Variants in AAK1 observed in about 807,000 individuals in gnomAD.
The protein encoded by AAK1 is AP2-associated protein kinase 1.
A neutral mutation model predicts 116.0 loss-of-function variants in AAK1; 37 were observed. The observed-to-expected ratio is 0.32, with a 90% CI of 0.25 to 0.42. The LOEUF (loss-of-function observed/expected upper bound fraction) is 0.42, where lower values mean the gene tolerates loss of function less well. AAK1 is among the 10% of genes least tolerant of loss of function. AAK1 has a pLI of 1.00. For missense variants in AAK1, 919 were observed against 1,170.6 expected (o/e 0.79, Z 3.14); for synonymous variants, 458 against 439.9 (o/e 1.04, Z -0.51).
At position 69,547,255 on chromosome 2, in the gene AAK1, C is replaced by T. The variant is rs570731806; in HGVS notation, c.283-2711G>A. On this transcript the variant is annotated intron_variant, in intron 3 of 21. Coordinates refer to ENST00000409085, the MANE Select transcript of AAK1 (RefSeq NM_014911.5). ...AAAGCTCAAGCAATCAAGCAAAAAG[C>T]GATAAATTGCACTTTATTGAAATTA... is the stretch of plus-strand genomic sequence containing the variant. Among the ~76,000 whole-genome samples the T allele has an allele frequency of 1.3e-4, 20 of 152,174 alleles. No homozygotes were observed. The South Asian group carries it at 2.9e-3, about 22-fold the overall frequency.
chr2:69,604,048 T>G (rs1341174690), intron 2 of AAK1, among the ~76,000 whole-genome samples: 1 of 152,170 alleles, frequency 6.6e-6, no homozygotes, highest in African/African-American at 2.4e-5. Context: ...TGAAACTCGG[T>G]TAGTTAGAGA....
intron 17 of AAK1, among the ~76,000 whole-genome samples, chr2:69,484,186 C>T (rs957827617): frequency 6.6e-5 from 10 of 152,092 alleles, no homozygotes; most frequent in Non-Finnish European, 1.3e-4. Flanking sequence ...GTGTATATAA[C>T]GTTGTAATAA....
intron 3 of AAK1, among the ~76,000 whole-genome samples, chr2:69,554,522 T>A (rs1364999914): frequency 6.6e-6 from 1 of 152,224 alleles, no homozygotes; most frequent in African/African-American, 2.4e-5. Flanking sequence ...ATAAACTACA[T>A]ATTGCCAAAG....
intron 9 of AAK1, 94 bp downstream of exon 9, chr2:69,527,122 A>T (rs1670059882): frequency 1.1e-6 from 1 of 876,738 alleles, no homozygotes; most frequent in African/African-American, 1.7e-5. Context: ...AGCAAGGGAC[A>T]TCTAAATTCA....
At chr2:69,614,589 T>C (rs58572020) in intron 2 of AAK1, among the ~76,000 whole-genome samples, 12,124 of 152,188 alleles carry the variant, frequency 0.08, 1,549 homozygotes, top group African/African-American at 0.27. Context: ...CCCAACACCC[T>C]GTCTCCTTCA....
chr2:69,634,163 G>A (rs1675345658), intron 2 of AAK1, among the ~76,000 whole-genome samples: 1 of 146,610 alleles, frequency 6.8e-6, no homozygotes, highest in Non-Finnish European at 1.5e-5. Context: ...GCAAGACTCT[G>A]TCTGAAAAAT....
At chr2:69,514,124 G>C (rs1476929401) in intron 13 of AAK1, among the ~76,000 whole-genome samples, 1 of 152,210 alleles carries the variant, frequency 6.6e-6, no homozygotes, top group Non-Finnish European at 1.5e-5. Context: ...ACTGCCCCTT[G>C]AAGAAGAGAA....
chr2:69,570,957 G>A (rs1672070808), intron 2 of AAK1, among the ~76,000 whole-genome samples: 1 of 152,026 alleles, frequency 6.6e-6, no homozygotes, highest in Non-Finnish European at 1.5e-5. Context: ...TCTAAGTTTG[G>A]TGTAGATCAA....
chr2:69,565,157 G>A (rs1039835896), intron 2 of AAK1, among the ~76,000 whole-genome samples: 3 of 152,284 alleles, frequency 2.0e-5, no homozygotes, highest in African/African-American at 4.8e-5. Flanking sequence ...GAGTGGGGCC[G>A]GTGGCCCTGA....
At chr2:69,522,575 G>A (rs868580352) in intron 10 of AAK1, among the ~76,000 whole-genome samples, 4 of 152,094 alleles carry the variant, frequency 2.6e-5, no homozygotes, top group South Asian at 2.1e-4. Flanking sequence ...AGGCTGAGGC[G>A]GGTGGATCAC....
At chr2:69,627,296 GA>G (rs202013778) in intron 2 of AAK1, among the ~76,000 whole-genome samples, 6,920 of 94,990 alleles carry the variant, frequency 0.073, 376 homozygotes, top group East Asian at 0.22. Context: ...CTCAAAAAGA[GA>G]AAAAAAAAAA....
At position 69,465,579 on chromosome 2, in the gene AAK1, G is replaced by C; in HGVS notation, c.*10290C>G. 1 of 1,290,994 alleles carries C rather than the reference G, an allele frequency of 7.7e-7. No homozygotes were observed. The highest frequency in any genetic ancestry group is 1.0e-6 in the Non-Finnish European group (1 of 988,890). The allele number at this position is 1,290,994 out of a possible 1,614,324, so 80.0% of individuals were successfully genotyped here. On this transcript the variant is annotated 3_prime_UTR_variant, in exon 22 of 22. Coordinates refer to ENST00000409085, the MANE Select transcript of AAK1 (RefSeq NM_014911.5). ...TGAAACAATTTTGTAGGCAGCAATG[G>C]GCTGGGCTTCTGGACTTGGCTCGTC...
Position 69,474,794 on chromosome 2 carries a change from T to C in AAK1, c.*1075A>G, listed in dbSNP as rs148470109. 9.8e-5 allele frequency: 97 copies of C among 985,852 alleles called. 2 individuals carry two copies. In the African/African-American group the frequency reaches 1.6e-3, roughly 16 times the overall value. The allele number at this position is 985,852 out of a possible 1,614,324, so 61.1% of individuals were successfully genotyped here. On this transcript the variant is annotated 3_prime_UTR_variant, in exon 22 of 22. Transcript: ENST00000409085. ...ACACTGTAGGATTGTTGTGTAGTTA[T>C]ACAAGGGAAAGAAATCAAAACCCTG...
In AAK1 at chr2:69,476,864, C is replaced by T. The variant is rs773469000; in HGVS notation, c.2791+16G>A. On this transcript the variant is annotated intron_variant, in intron 21 of 21. Transcript: ENST00000409085. ...CTGAGGCCAAGCTCTTCTCTTTTCC[C>T]CATCCTTTTTCTTACCTTGTGGGTT... 26 of 1,591,706 alleles carry T rather than the reference C, an allele frequency of 1.6e-5. No homozygotes were observed. The South Asian group carries it at 2.6e-4, about 16-fold the overall frequency.
intron 4 of AAK1, 74 bp from the exon 5 acceptor site, chr2:69,542,739 G>T (rs764726357): frequency 3.3e-6 from 5 of 1,527,814 alleles, no homozygotes; most frequent in Middle Eastern, 2.4e-4. Context: ...GAGAATGAAC[G>T]GCGTCCAAAG....
At chr2:69,618,113 G>C (rs994665238) in intron 2 of AAK1, among the ~76,000 whole-genome samples, 2 of 151,986 alleles carry the variant, frequency 1.3e-5, no homozygotes, top group African/African-American at 4.8e-5. Context: ...AATACAAAAA[G>C]CAAATTCAAA....
chr2:69,517,163 G>A (rs1676616764), intron 12 of AAK1: 1 of 152,114 alleles, frequency 6.6e-6, no homozygotes, highest in Admixed American at 6.6e-5. Flanking sequence ...GTTCACCTTT[G>A]GATGACAAGA....
chr2:69,459,392 T>TGTCCCTA lies in AAK1; in HGVS notation c.*16476_*16477insTAGGGAC, dbSNP rs1674287655. 6.6e-6 allele frequency: 1 copy of TGTCCCTA among 152,402 alleles called. No individual in the cohort carries two copies. The highest frequency in any genetic ancestry group is 2.4e-5 in the African/African-American group (1 of 41,432). The allele number at this position is 152,402 out of a possible 1,614,324, so 9.4% of individuals were successfully genotyped here. On this transcript the variant is annotated 3_prime_UTR_variant, in exon 22 of 22. Coordinates refer to ENST00000409085, the MANE Select transcript of AAK1 (RefSeq NM_014911.5). ...CATCCTCCCACCTAAGCCTCCCAAGTAGCTGGGACTACAGGTGTGCACCAC... is the reference window on the plus strand; with the variant it reads ...CATCCTCCCACCTAAGCCTCCCAAGTGTCCCTAAGCTGGGACTACAGGTGTGCACCAC...
At chr2:69,583,637 C>T (rs1672637354) in intron 2 of AAK1, among the ~76,000 whole-genome samples, 1 of 152,180 alleles carries the variant, frequency 6.6e-6, no homozygotes, top group Admixed American at 6.5e-5. Context: ...TCCAAAGAGC[C>T]CGTTCAGCAT....
Sources: gnomAD v4.1 joint callset for allele counts (sites outside exome capture counted in the v4.1 genomes callset) on GRCh38, gnomAD v4.1.1 for gene constraint, MANE v1.5 for transcripts, NCBI Gene and HGNC (gene_info 2026-07-23, HGNC 2026-07-21) for gene names.